Variants in FRMPD4 observed in about 807,000 individuals in gnomAD.
FRMPD4 encodes the protein FERM and PDZ domain-containing protein 4.
Under a neutral mutation model 94.1 loss-of-function variants are expected in FRMPD4, and 22 were observed. The observed-to-expected ratio is 0.23, with a 90% CI of 0.17 to 0.33. FRMPD4 has a LOEUF of 0.33. FRMPD4 is among the 10% of genes least tolerant of loss of function. The pLI is 1.00. For missense variants in FRMPD4, 1,111 were observed against 1,339.9 expected, an observed-to-expected ratio of 0.83 and a Z score of 2.67; for synonymous variants, 631 against 548.6, an observed-to-expected ratio of 1.15 and a Z score of -2.10.
chrX:12,153,496 A>T (rs2055891520), intron 1 of FRMPD4, among the ~76,000 whole-genome samples: 1 of 112,283 alleles, frequency 8.9e-6, no homozygotes, highest in African/African-American at 3.2e-5. Context: ...CATAGGAGGC[A>T]ATAAAGCATC....
intron 1 of FRMPD4, among the ~76,000 whole-genome samples, chrX:12,167,966 G>C (rs1020865812): frequency 9.0e-6 from 1 of 110,749 alleles, no homozygotes; most frequent in African/African-American, 3.3e-5. Context: ...GCCCCTAGGG[G>C]CCGTTTGAAA....
intron 1 of FRMPD4, among the ~76,000 whole-genome samples, chrX:12,274,963 C>T (rs769184652): frequency 8.9e-6 from 1 of 111,808 alleles, no homozygotes; most frequent in Admixed American, 9.4e-5. Flanking sequence ...GAGCGGTGAT[C>T]GCGCCACTGC....
At position 12,138,869 on chromosome X, in the gene FRMPD4, C is replaced by T. The variant is rs1161217804; in HGVS notation, c.-103C>T. 6 of 649,591 alleles carry T rather than the reference C, an allele frequency of 9.2e-6. No individual in the cohort carries two copies. Among genetic ancestry groups the T allele is most frequent in the Non-Finnish European group, 1.3e-5 (6 of 462,654 alleles). The allele number at this position is 649,591 out of a possible 1,213,427, so 53.5% of individuals were successfully genotyped here. On this transcript the variant is annotated 5_prime_UTR_variant, in exon 1 of 17. Coordinates refer to ENST00000675598, the MANE Select transcript of FRMPD4 (RefSeq NM_001368397.1). ...CACCCGCTGTCGCCGCGACTCGAGC[C>T]CCGGGCGCACTGAGGTCTTGGCCAT... is the stretch of plus-strand genomic sequence containing the variant.
intron 9 of FRMPD4, among the ~76,000 whole-genome samples, chrX:12,696,276 T>C (rs1793756885): frequency 8.9e-6 from 1 of 111,863 alleles, no homozygotes; most frequent in African/African-American, 3.3e-5. Context: ...TTTTCCAGAC[T>C]GATATCTGAT....
chrX:12,033,383 T>C (rs756792421), intron 3 of FRMPD4, among the ~76,000 whole-genome samples: 129 of 111,145 alleles, frequency 1.2e-3, no homozygotes, highest in African/African-American at 4.2e-3. Context: ...GGAGAATTAT[T>C]TGAGTTTAAG....
chrX:12,295,916 G>A (rs918290195), intron 1 of FRMPD4, among the ~76,000 whole-genome samples: 2 of 111,369 alleles, frequency 1.8e-5, no homozygotes, highest in Admixed American at 9.5e-5. Flanking sequence ...CATAATAGAC[G>A]CTCAATAAAT....
intron 3 of FRMPD4, among the ~76,000 whole-genome samples, chrX:12,080,349 C>T (rs964587350): frequency 1.8e-5 from 2 of 112,223 alleles, no homozygotes; most frequent in Non-Finnish European, 3.8e-5. Flanking sequence ...ATATGTGGTC[C>T]TCCTTCTAAT....
chrX:12,274,737 C>T (rs1466548954), intron 1 of FRMPD4, among the ~76,000 whole-genome samples: 1 of 112,509 alleles, frequency 8.9e-6, no homozygotes, highest in African/African-American at 3.2e-5. Flanking sequence ...AGGCGGGGCG[C>T]GGTGGCCCAC....
chrX:12,438,173 G>C (rs1368886572), intron 1 of FRMPD4, among the ~76,000 whole-genome samples: 1 of 110,878 alleles, frequency 9.0e-6, no homozygotes, highest in Admixed American at 9.7e-5. Context: ...TTCAGGTGAC[G>C]TTATAAGGGA....
chrX:12,123,324 G>C (rs1284270363), intron 3 of FRMPD4, among the ~76,000 whole-genome samples: 1 of 109,953 alleles, frequency 9.1e-6, no homozygotes. Flanking sequence ...TTTTAGTAGA[G>C]ACAGGGTTTC....
chrX:11,886,992 C>T (rs776593807), intron 3 of FRMPD4, among the ~76,000 whole-genome samples: 1 of 111,088 alleles, frequency 9.0e-6, no homozygotes, highest in South Asian at 3.9e-4. Flanking sequence ...ACAGCATTCT[C>T]ACAATCATCT....
At chrX:12,655,772 T>A (rs982696360) in intron 4 of FRMPD4, among the ~76,000 whole-genome samples, 2 of 112,033 alleles carry the variant, frequency 1.8e-5, no homozygotes, top group Non-Finnish European at 3.8e-5. Flanking sequence ...CCTGGAAGCA[T>A]GTCAAAGCAG....
chrX:12,427,894 TC>T (rs1416542203), intron 1 of FRMPD4, among the ~76,000 whole-genome samples: 1 of 81,499 alleles, frequency 1.2e-5, no homozygotes, highest in African/African-American at 4.5e-5. Flanking sequence ...TTTCCTTTTT[TC>T]TCTTTTTTTT....
chrX:11,856,766 T>C (rs1221941878), intron 1 of FRMPD4, among the ~76,000 whole-genome samples: 1 of 111,879 alleles, frequency 8.9e-6, no homozygotes, highest in African/African-American at 3.3e-5. Flanking sequence ...GAAGTTAAAT[T>C]ATCCTTGTTT....
At chrX:12,232,069 A>T (rs1457477815) in intron 1 of FRMPD4, among the ~76,000 whole-genome samples, 2 of 111,421 alleles carry the variant, frequency 1.8e-5, no homozygotes. Context: ...AGCAAAACGG[A>T]CTGTATGGTC....
intron 2 of FRMPD4, among the ~76,000 whole-genome samples, chrX:12,540,415 A>C (rs1218617225): frequency 1.8e-5 from 2 of 111,805 alleles, no homozygotes; most frequent in Admixed American, 9.5e-5. Context: ...AAAATGGAAC[A>C]CAAAAAAAGG....
At position 12,716,979 on chromosome X, in the gene FRMPD4, G is replaced by A; in HGVS notation, c.2520G>A (p.Leu840=). Reference sequence around the variant, plus strand: ...AGGACAAGGAGAAAGGCAGCAGCCTGCAAAATGATGAGATCCCCGTGTCCC... The same window carrying A: ...AGGACAAGGAGAAAGGCAGCAGCCTACAAAATGATGAGATCCCCGTGTCCC... ...FPEDKEKGSS[L]QNDEIPVSLI... Residue 840 remains leucine (L), a synonymous_variant, in exon 15 of 17, where the codon CTG becomes CTA. Coordinates refer to ENST00000675598, the MANE Select transcript of FRMPD4 (RefSeq NM_001368397.1). 1.7e-6 allele frequency: 2 copies of A among 1,210,898 alleles called. No homozygotes were observed. Among genetic ancestry groups the A allele is most frequent in the Non-Finnish European group, 2.2e-6 (2 of 894,459 alleles).
At chrX:11,951,495 A>G (rs1016864647) in intron 3 of FRMPD4, among the ~76,000 whole-genome samples, 1 of 112,130 alleles carries the variant, frequency 8.9e-6, no homozygotes, top group African/African-American at 3.2e-5. Flanking sequence ...GTGGGAACAG[A>G]AAACCAAATA....
upstream of FRMPD4, among the ~76,000 whole-genome samples, chrX:12,137,041 C>CA (rs1221151030): frequency 1.7e-4 from 19 of 109,416 alleles, no homozygotes; most frequent in Admixed American, 6.8e-4. Context: ...GACTCCAATG[C>CA]AAAAAAAAGC....
Sources: allele counts gnomAD v4.1 joint callset (sites outside exome capture counted in the v4.1 genomes callset), GRCh38; gene constraint gnomAD v4.1.1; transcripts MANE v1.5; gene names NCBI Gene and HGNC (gene_info 2026-07-23, HGNC 2026-07-21).